SDK1: variants seen among roughly 807,000 people sequenced by gnomAD.
The protein encoded by SDK1 is sidekick cell adhesion molecule 1.
A neutral mutation model predicts 245.5 loss-of-function variants in SDK1; 157 were observed. The ratio of observed to expected loss-of-function variants is 0.64; its 90% CI spans 0.56 to 0.73. SDK1 has a LOEUF of 0.73. SDK1 is among the 30% of genes least tolerant of loss of function. The pLI is 0.00. For missense variants in SDK1, 3,583 were observed against 3,002.3 expected (o/e 1.19, Z -4.52); for synonymous variants, 1,647 against 1,278.5 (o/e 1.29, Z -6.15).
chr7:3,524,609 C>G (rs1345660132), intron 1 of SDK1, among the ~76,000 whole-genome samples: 1 of 152,102 alleles, frequency 6.6e-6, no homozygotes, highest in African/African-American at 2.4e-5. Context: ...CAAAGGATAA[C>G]CCCAACGTTT....
chr7:3,577,077 A>G (rs577565556), intron 1 of SDK1, among the ~76,000 whole-genome samples: 193 of 152,096 alleles, frequency 1.3e-3, no homozygotes, highest in African/African-American at 4.3e-3. Context: ...AGAGGACAGC[A>G]CACACATCCT....
At chr7:3,580,595 AG>A (rs935970300) in intron 1 of SDK1, among the ~76,000 whole-genome samples, 1 of 152,192 alleles carries the variant, frequency 6.6e-6, no homozygotes, top group Non-Finnish European at 1.5e-5. Flanking sequence ...AGGCATATGC[AG>A]GGGATTTTTT....
chr7:3,722,303 G>T (rs1341674950), intron 4 of SDK1, among the ~76,000 whole-genome samples: 2 of 152,164 alleles, frequency 1.3e-5, no homozygotes, highest in East Asian at 1.9e-4. Context: ...AGAGACAGGA[G>T]CCCCAAGAAC....
intron 4 of SDK1, among the ~76,000 whole-genome samples, chr7:3,702,257 T>G (rs986756960): frequency 6.6e-6 from 1 of 152,222 alleles, no homozygotes; most frequent in Admixed American, 6.5e-5. Context: ...TTGGAATACA[T>G]AAAGATTTCT....
At position 3,895,384 on chromosome 7, in the gene SDK1, A is replaced by G. The variant is rs73674332; in HGVS notation, c.848-55539A>G. On this transcript the variant is annotated intron_variant, in intron 5 of 44. Transcript: ENST00000404826. ...CTTCCAGCCAGACATCCATGTATCA[A>G]AGCTCTAGCCAATCAACATGTAGTG... Among the ~76,000 whole-genome samples the G allele has an allele frequency of 5.5e-3, 831 of 152,330 alleles. 7 individuals carry two copies. The highest frequency in any genetic ancestry group is 0.019 in the African/African-American group (773 of 41,580).
intron 44 of SDK1, among the ~76,000 whole-genome samples, chr7:4,255,026 C>A (rs770010713): frequency 1.3e-5 from 2 of 152,236 alleles, no homozygotes; most frequent in Non-Finnish European, 2.9e-5. Context: ...ATAGATTGCT[C>A]CTCACTTTCT....
At chr7:3,696,433 G>A (rs912412852) in intron 4 of SDK1, among the ~76,000 whole-genome samples, 1 of 152,070 alleles carries the variant, frequency 6.6e-6, no homozygotes, top group African/African-American at 2.4e-5. Context: ...TAACTGATTG[G>A]ATCACTAACT....
intron 3 of SDK1, among the ~76,000 whole-genome samples, chr7:3,639,996 G>A (rs1782599301): frequency 6.6e-6 from 1 of 151,986 alleles, no homozygotes; most frequent in East Asian, 1.9e-4. Flanking sequence ...ACAGGTGTGT[G>A]CCACCATGCC....
chr7:3,520,125 T>C (rs1227105721), intron 1 of SDK1, among the ~76,000 whole-genome samples: 2 of 152,194 alleles, frequency 1.3e-5, no homozygotes, highest in African/African-American at 2.4e-5. Flanking sequence ...ATGCTAGATA[T>C]CAAGTTACCA....
At chr7:4,248,517 CACACATACGTACACATACACACATGCAA>C (rs1787063751) in intron 44 of SDK1, among the ~76,000 whole-genome samples, 1 of 151,746 alleles carries the variant, frequency 6.6e-6, no homozygotes, top group Non-Finnish European at 1.5e-5. Context: ...TACACATATG[CACACATACGTACACATACACACATGCAA>C]ACACATACAT....
intron 8 of SDK1, among the ~76,000 whole-genome samples, chr7:3,960,225 AT>A (rs1781575882): frequency 1.3e-5 from 2 of 152,212 alleles, no homozygotes; most frequent in African/African-American, 4.8e-5. Flanking sequence ...ACTCAATGAA[AT>A]GGGATCCTTC....
At chr7:3,387,178 T>G (rs938601870) in intron 1 of SDK1, among the ~76,000 whole-genome samples, 8 of 152,190 alleles carry the variant, frequency 5.3e-5, no homozygotes, top group Admixed American at 6.5e-5. Context: ...GACACCTTTG[T>G]GCAGAGTACA....
rs567270413 is a variant in SDK1 at position 4,079,451 on chromosome 7, G to T, written c.3203-12G>T. ...TGTAAATCTCTCCCTTTCCTCCCTGGTTCCTCTCTAGACCTTCCTGGTGCC... is the reference window on the plus strand; with the variant it reads ...TGTAAATCTCTCCCTTTCCTCCCTGTTTCCTCTCTAGACCTTCCTGGTGCC... On this transcript the variant is annotated splice_polypyrimidine_tract_variant and intron_variant, in intron 21 of 44. Coordinates refer to ENST00000404826, the MANE Select transcript of SDK1 (RefSeq NM_152744.4). 1.9e-6 allele frequency: 3 copies of T among 1,613,786 alleles called. No homozygotes were observed. The East Asian group carries it at 6.7e-5, about 36-fold the overall frequency.
chr7:3,693,056 A>G (rs186788676), intron 4 of SDK1, among the ~76,000 whole-genome samples: 48 of 152,118 alleles, frequency 3.2e-4, no homozygotes, highest in African/African-American at 8.7e-4. Flanking sequence ...ACATATAATA[A>G]AATTTTAGAT....
At chr7:3,446,460 A>G (rs1453178185) in intron 1 of SDK1, among the ~76,000 whole-genome samples, 1 of 152,152 alleles carries the variant, frequency 6.6e-6, no homozygotes, top group Admixed American at 6.5e-5. Context: ...TTACAGCAAA[A>G]ATTACAATTT....
chr7:3,902,596 C>A (rs764716969), intron 5 of SDK1, among the ~76,000 whole-genome samples: 1 of 151,922 alleles, frequency 6.6e-6, no homozygotes, highest in Admixed American at 6.6e-5. Flanking sequence ...TTACTGGTTT[C>A]TTTGTAGGAA....
intron 28 of SDK1, 145 bp downstream of exon 28, chr7:4,132,568 A>C (rs1040963879): frequency 3.4e-6 from 2 of 593,924 alleles, no homozygotes; most frequent in African/African-American, 3.6e-5. Context: ...CAAAGAAAAA[A>C]TTCAGACTAT....
chr7:3,458,166 G>A (rs1780726463), intron 1 of SDK1, among the ~76,000 whole-genome samples: 1 of 151,338 alleles, frequency 6.6e-6, no homozygotes, highest in Admixed American at 6.6e-5. Context: ...GATGTGGCAT[G>A]GTGGCCTTGA....
chr7:4,226,244 G>A (rs1208606945), intron 40 of SDK1, among the ~76,000 whole-genome samples: 1 of 152,198 alleles, frequency 6.6e-6, no homozygotes, highest in Non-Finnish European at 1.5e-5. Context: ...GCCACACAGG[G>A]GCCCTCACCG....
Sources: allele counts gnomAD v4.1 joint callset (sites outside exome capture counted in the v4.1 genomes callset), GRCh38; gene constraint gnomAD v4.1.1; transcripts MANE v1.5; gene names NCBI Gene and HGNC (gene_info 2026-07-23, HGNC 2026-07-21).